Variants in ACTR1A observed in about 807,000 individuals in gnomAD.
ACTR1A encodes the protein actin related protein 1A.
Under a neutral mutation model 50.7 loss-of-function variants are expected in ACTR1A, and 10 were observed. That is an observed-to-expected ratio of 0.20 (90% CI 0.12 to 0.33). The LOEUF is 0.33. Ranked by LOEUF, ACTR1A falls within the 10% of genes least tolerant of loss-of-function variation. The probability of loss-of-function intolerance (pLI) is 1.00; values close to 1 mark genes in which losing one functional copy is unlikely to be tolerated. For synonymous variants in ACTR1A, 177 were observed against 184.2 expected, an observed-to-expected ratio of 0.96 and a Z score of 0.32; for missense variants, 253 against 491.7, an observed-to-expected ratio of 0.51 and a Z score of 4.59.
rs2062143280 is a variant in ACTR1A, at chr10:102,481,712, T to C, written c.987+125A>G. 12 of 1,144,616 alleles carry C rather than the reference T, an allele frequency of 1.0e-5. No homozygotes were observed. The South Asian group carries it at 1.5e-4, about 14-fold the overall frequency. The allele number at this position is 1,144,616 out of a possible 1,614,324, so 70.9% of individuals were successfully genotyped here. A position where few individuals can be genotyped will look rare whatever the true frequency, so the allele number is the denominator to read the frequency against. ...AGGGTCAGTGTACAGGCTGGGAACC[T>C]GGCGCTGCTTGTAGAGCCATGGCTG... is the stretch of plus-strand genomic sequence containing the variant. On this transcript the variant is annotated intron_variant, in intron 9 of 10. Transcript: ENST00000369905.
At chr10:102,485,505 G>A in intron 5 of ACTR1A, 104 bp downstream of exon 5, 1 of 1,488,424 alleles carries the variant, frequency 6.7e-7, no homozygotes, top group South Asian at 1.2e-5. Flanking sequence ...TTCCCTAGCA[G>A]AGGGGGCTCA....
chr10:102,484,609 G>T (rs2062158232), intron 5 of ACTR1A, among the ~76,000 whole-genome samples: 1 of 152,170 alleles, frequency 6.6e-6, no homozygotes, highest in African/African-American at 2.4e-5. Flanking sequence ...AGAAGAGCAG[G>T]CCTTCCTGTC....
At chr10:102,501,668 T>C (rs2062252337) in intron 1 of ACTR1A, among the ~76,000 whole-genome samples, 1 of 152,242 alleles carries the variant, frequency 6.6e-6, no homozygotes, top group African/African-American at 2.4e-5. Flanking sequence ...ACCTCTGCTA[T>C]GTGACCTTGG....
intron 1 of ACTR1A, among the ~76,000 whole-genome samples, chr10:102,491,641 C>G (rs183392584): frequency 1.3e-5 from 2 of 152,202 alleles, no homozygotes; most frequent in Non-Finnish European, 2.9e-5. Context: ...AGAAAAGAAT[C>G]TGAGTTCTCC....
chr10:102,490,189 C>T (rs563715138), intron 2 of ACTR1A, among the ~76,000 whole-genome samples: 2 of 142,480 alleles, frequency 1.4e-5, no homozygotes, highest in South Asian at 4.4e-4. Flanking sequence ...GCCAAGATCA[C>T]ACCACTGCAC....
chr10:102,488,917 T>TA lies in ACTR1A; in HGVS notation c.189+145dup. ...CTGGGAAAAATAAACCACCTAAGCC[T>TA]AGGATGAGAGAATCAAAAAGGAGAT... On this transcript the variant is annotated intron_variant, in intron 3 of 10. Coordinates refer to ENST00000369905, the MANE Select transcript of ACTR1A (RefSeq NM_005736.4). This position sits in a 1 kb window ranked among gnomAD's most constrained non-coding sequence, Gnocchi z 4.4. 1.8e-6 allele frequency: 1 copy of TA among 567,206 alleles called. No homozygotes were observed. Among genetic ancestry groups the TA allele is most frequent in the Non-Finnish European group, 2.9e-6 (1 of 342,990 alleles). The allele number at this position is 567,206 out of a possible 1,614,324, so 35.1% of individuals were successfully genotyped here.
chr10:102,491,932 A>ATTTTTTT (rs558164702), intron 1 of ACTR1A, among the ~76,000 whole-genome samples: 5 of 134,538 alleles, frequency 3.7e-5, no homozygotes, highest in Non-Finnish European at 6.3e-5. Context: ...TGCCTGGCTA[A>ATTTTTTT]TTTTTTTTTT....
Position 102,481,177 on chromosome 10 carries a change from A to C in ACTR1A, c.988-5T>G, listed in dbSNP as rs1372195182. The C allele has an allele frequency of 2.5e-6, 4 of 1,589,304 alleles. No homozygotes were observed. The highest frequency in any genetic ancestry group is 1.7e-6 in the Non-Finnish European group (2 of 1,168,028). ...TCTCTCCTGAGGTGCAGATATCTGC[A>C]AAGGTGGGGGAAAGAGGAATCTGAG... On this transcript the variant is annotated splice_polypyrimidine_tract_variant and splice_region_variant and intron_variant, in intron 9 of 10. Transcript: ENST00000369905.
Position 102,480,910 on chromosome 10 carries a change from C to T in ACTR1A, c.1084G>A (p.Glu362Lys), listed in dbSNP as rs2062136289. 7 of 1,614,138 alleles carry T rather than the reference C, an allele frequency of 4.3e-6. No individual in the cohort carries two copies. The highest frequency in any genetic ancestry group is 5.1e-6 in the Non-Finnish European group (6 of 1,180,012). ...TFKKMWVSKK[E>K]YEEDGARSIH... The stretch of plus-strand genomic sequence containing the variant: ...GATCGGGCACCGTCTTCCTCATATT[C>T]CTTTTTGGAGACCCACATCTTCTTA... Residue 362 changes from glutamate (E) to lysine (K), a missense_variant, in exon 11 of 11, where the codon GAA becomes AAA. By Grantham distance (56) the Glu-to-Lys change is moderately conservative. This residue lies in a region of ACTR1A where 27 missense variants were observed against 80.7 expected (regional missense o/e 0.33). Coordinates refer to ENST00000369905, the MANE Select transcript of ACTR1A (RefSeq NM_005736.4).
At chr10:102,494,010 A>G (rs1361344133) in intron 1 of ACTR1A, among the ~76,000 whole-genome samples, 1 of 152,188 alleles carries the variant, frequency 6.6e-6, no homozygotes, top group East Asian at 1.9e-4. Context: ...ATCAGTGGAG[A>G]ATGAGGAGCA....
chr10:102,496,678 T>C (rs2062223951), intron 1 of ACTR1A, among the ~76,000 whole-genome samples: 1 of 152,358 alleles, frequency 6.6e-6, no homozygotes, highest in South Asian at 2.1e-4. Flanking sequence ...GATAAATACA[T>C]TGACTTCATT....
chr10:102,491,957 G>C (rs1390125867), intron 1 of ACTR1A, among the ~76,000 whole-genome samples: 1 of 143,762 alleles, frequency 7.0e-6, no homozygotes, highest in Non-Finnish European at 1.5e-5. Flanking sequence ...TTTTAGTAGA[G>C]ACAGGGTTTC....
chr10:102,488,986 G>T lies in ACTR1A; in HGVS notation c.189+77C>A. The T allele has an allele frequency of 1.8e-6, 2 of 1,129,416 alleles. No individual in the cohort carries two copies. Among genetic ancestry groups the T allele is most frequent in the Non-Finnish European group, 2.4e-6 (2 of 828,180 alleles). The allele number at this position is 1,129,416 out of a possible 1,614,324, so 70.0% of individuals were successfully genotyped here. ...CTTTTACTTATGGGTATGTCCAAATGTTGGGACATGTTCCATGTGGTGAAT... is the reference window on the plus strand; with the variant it reads ...CTTTTACTTATGGGTATGTCCAAATTTTGGGACATGTTCCATGTGGTGAAT... On this transcript the variant is annotated intron_variant, in intron 3 of 10. Coordinates refer to ENST00000369905, the MANE Select transcript of ACTR1A (RefSeq NM_005736.4). This position sits in a 1 kb window ranked among gnomAD's most constrained non-coding sequence, Gnocchi z 4.4.
intron 2 of ACTR1A, among the ~76,000 whole-genome samples, chr10:102,489,714 T>C (rs2062183341): frequency 6.6e-6 from 1 of 152,236 alleles, no homozygotes; most frequent in Non-Finnish European, 1.5e-5. Context: ...CTTGGGAGGC[T>C]GAGGCACGAG....
Position 102,482,940 on chromosome 10 carries a change from T to G in ACTR1A, c.750+71A>C. On this transcript the variant is annotated intron_variant, in intron 7 of 10. Transcript: ENST00000369905. The surrounding 1 kb of genome is among the most constrained non-coding windows in gnomAD (Gnocchi z 5.6). ...TGGCCTGCCAGACTCCAGACCCTGA[T>G]GGAGAATTCTGGTTGGGCCCAGAGC... is the stretch of plus-strand genomic sequence containing the variant. 1.2e-5 allele frequency: 15 copies of G among 1,275,700 alleles called. No homozygotes were observed. Among genetic ancestry groups the G allele is most frequent in the African/African-American group, 1.5e-5 (1 of 68,466 alleles). 79.0% of individuals were successfully genotyped at this position (1,275,700 alleles called of 1,614,324 possible). A position where few individuals can be genotyped will look rare whatever the true frequency, so the allele number is the denominator to read the frequency against.
rs1346692929 is a variant in ACTR1A at position 102,479,690 on chromosome 10, C to G, written c.*1173G>C. 3 of 1,289,128 alleles carry G rather than the reference C, an allele frequency of 2.3e-6. No homozygotes were observed. The highest frequency in any genetic ancestry group is 3.0e-6 in the Non-Finnish European group (3 of 988,638). The allele number at this position is 1,289,128 out of a possible 1,614,324, so 79.9% of individuals were successfully genotyped here. A position where few individuals can be genotyped will look rare whatever the true frequency, so the allele number is the denominator to read the frequency against. ...GAGGGGGCCTTCCCACCTCTACAAC[C>G]TAGTCCCCTGGTCAGCTACAGTGGC... On this transcript the variant is annotated 3_prime_UTR_variant, in exon 11 of 11. Coordinates refer to ENST00000369905, the MANE Select transcript of ACTR1A (RefSeq NM_005736.4). The surrounding 1 kb of genome is among the most constrained non-coding windows in gnomAD (Gnocchi z 4.0).
chr10:102,486,496 CCTG>C (rs2062168746), intron 4 of ACTR1A, among the ~76,000 whole-genome samples: 1 of 152,074 alleles, frequency 6.6e-6, no homozygotes, highest in Non-Finnish European at 1.5e-5. Context: ...TCGAGACCAG[CCTG>C]ACCAACATGG....
chr10:102,495,269 T>C (rs996718508), intron 1 of ACTR1A, among the ~76,000 whole-genome samples: 1 of 151,726 alleles, frequency 6.6e-6, no homozygotes. Flanking sequence ...AAAAAATATA[T>C]ACAAAAAATT....
chr10:102,484,084 C>G, intron 6 of ACTR1A, 76 bp downstream of exon 6: 1 of 1,457,036 alleles, frequency 6.9e-7, no homozygotes, highest in East Asian at 2.3e-5. Flanking sequence ...CCTGGCTTCA[C>G]TGGCAGGTCA....
Sources: gnomAD v4.1 joint callset for allele counts (sites outside exome capture counted in the v4.1 genomes callset) on GRCh38, gnomAD v4.1.1 for gene constraint, gnomAD v4.1.1 regional missense constraint, Gnocchi (gnomAD v3.1) non-coding constraint, MANE v1.5 for transcripts, NCBI Gene and HGNC (gene_info 2026-07-23, HGNC 2026-07-21) for gene names.